Variants in VWF observed in about 807,000 individuals in gnomAD.
The protein encoded by VWF is von Willebrand factor.
Under a neutral mutation model 308.6 loss-of-function variants are expected in VWF, and 176 were observed. The ratio of observed to expected loss-of-function variants is 0.57; its 90% CI spans 0.50 to 0.65. VWF has a LOEUF of 0.65. Among genes scored for constraint, VWF ranks in the 30% least tolerant of loss-of-function variants. VWF has a pLI of 0.00. For missense variants in VWF, 3,146 were observed against 3,648.2 expected (o/e 0.86, Z 3.55); for synonymous variants, 1,385 against 1,443.4 (o/e 0.96, Z 0.92).
chr12:6,018,530 C>T lies in VWF; in HGVS notation c.4888G>A (p.Val1630Met). 6.2e-7 allele frequency: 1 copy of T among 1,613,946 alleles called. No homozygotes were observed. The change falls in exon 28 of 52, where the codon GTG (valine) becomes ATG (methionine). Residue 1630 changes from valine to methionine, a missense_variant. Transcript: ENST00000261405. ...TCCTGCACGTTGGCATTAGGGCCCA[C>T]TCCAATGGGCACCACCTGGATGTCT... ...PGDIQVVPIG[V>M]GPNANVQELE... is the part of the protein sequence containing the mutation.
intron 47 of VWF, 171 bp from the exon 48 acceptor site, chr12:5,953,765 T>C: frequency 3.1e-6 from 2 of 655,226 alleles, no homozygotes; most frequent in East Asian, 2.8e-5. Context: ...GTCCCCTAGG[T>C]AGCATTCCTT....
chr12:6,102,699 C>T (rs934281718), intron 5 of VWF, among the ~76,000 whole-genome samples: 4 of 151,258 alleles, frequency 2.6e-5, no homozygotes, highest in Non-Finnish European at 2.9e-5. Context: ...TGTGCCACTG[C>T]ACCCAGCCTG....
chr12:6,105,593 C>G (rs1357875160), intron 5 of VWF, among the ~76,000 whole-genome samples: 2 of 152,014 alleles, frequency 1.3e-5, no homozygotes, highest in Non-Finnish European at 2.9e-5. Flanking sequence ...AATTGCATAT[C>G]AAATTTTTCT....
At chr12:6,047,243 G>C (rs1944455685) in intron 16 of VWF, among the ~76,000 whole-genome samples, 1 of 152,072 alleles carries the variant, frequency 6.6e-6, no homozygotes, top group Admixed American at 6.6e-5. Flanking sequence ...TCCAATCACA[G>C]ACATGACTCA....
At chr12:5,983,479 A>G (rs952617827) in intron 40 of VWF, among the ~76,000 whole-genome samples, 13 of 149,296 alleles carry the variant, frequency 8.7e-5, no homozygotes, top group Admixed American at 2.0e-4. Context: ...ATAGATAGAT[A>G]CATACATACA....
chr12:5,953,125 G>A (rs1321091618), intron 48 of VWF, among the ~76,000 whole-genome samples: 1 of 152,122 alleles, frequency 6.6e-6, no homozygotes, highest in East Asian at 1.9e-4. Flanking sequence ...TACTCGGGAG[G>A]CTGAGACAGG....
At chr12:6,005,589 T>C (rs1232582735) in intron 34 of VWF, among the ~76,000 whole-genome samples, 9 of 152,104 alleles carry the variant, frequency 5.9e-5, no homozygotes, top group African/African-American at 2.2e-4. Context: ...TTGTCAAAAG[T>C]CAAAGACAAA....
intron 6 of VWF, among the ~76,000 whole-genome samples, chr12:6,089,574 A>G (rs1304303176): frequency 6.6e-6 from 1 of 152,142 alleles, no homozygotes; most frequent in Non-Finnish European, 1.5e-5. Context: ...TCCAGGAGAC[A>G]AACCTCCCAG....
rs369305347 is a variant in VWF, at chr12:6,110,579, G to A, written c.327C>T (p.Val109=). ...GCCCTTTGGAGGCATAGGGCATGGAGACTCTGGAGGGCAAAGGCTAAGTTC... is the reference window on the plus strand; with the variant it reads ...GCCCTTTGGAGGCATAGGGCATGGAAACTCTGGAGGGCAAAGGCTAAGTTC... The part of the protein sequence containing the change: ...NGTVTQGDQR[V]SMPYASKGLY... Residue 109 remains valine, a synonymous_variant, in exon 5 of 52, where the codon GTC becomes GTT. Transcript: ENST00000261405. 15 of 1,614,152 alleles carry A rather than the reference G, an allele frequency of 9.3e-6. No individual in the cohort carries two copies. The highest frequency in any genetic ancestry group is 1.0e-5 in the Non-Finnish European group (12 of 1,180,022).
chr12:6,033,013 C>T (rs978690913), intron 20 of VWF, among the ~76,000 whole-genome samples: 21 of 134,110 alleles, frequency 1.6e-4, no homozygotes, highest in African/African-American at 6.7e-4. Flanking sequence ...CACGCACATG[C>T]ATACACCCAC....
In VWF at chr12:6,060,088, C is replaced by T. The variant is rs1404446297; in HGVS notation, c.1534-2044G>A. Among the ~76,000 whole-genome samples, 2 of 151,978 alleles carry T rather than the reference C, an allele frequency of 1.3e-5. No individual in the cohort carries two copies. Among genetic ancestry groups the T allele is most frequent in the African/African-American group, 2.4e-5 (1 of 41,364 alleles). ...CCTTGGCTTGTCTCGGAGGTCAGCT[C>T]GGCCAGGGTTAGGAGAGTGGGGGCG... On this transcript the variant is annotated intron_variant, in intron 13 of 51. Coordinates refer to ENST00000261405, the MANE Select transcript of VWF (RefSeq NM_000552.5). This position sits in a 1 kb window ranked among gnomAD's most constrained non-coding sequence, Gnocchi z 5.1.
Position 5,971,656 on chromosome 12 carries a change from A to T in VWF, c.7491T>A (p.Ser2497=). The T allele has an allele frequency of 1.2e-6, 2 of 1,614,230 alleles. No homozygotes were observed. The highest frequency in any genetic ancestry group is 1.1e-5 in the South Asian group (1 of 91,092). ...EGECCGRCLP[S]ACEVVTGSPR... is the part of the protein sequence containing the mutation. ...GTGAGCCAGTCACCACCTCACAGGC[A>T]GATGGCAGGCACCTTCCACAGCACT... Residue 2497 remains serine (S), a synonymous_variant, in exon 44 of 52, where the codon TCT becomes TCA. Coordinates refer to ENST00000261405, the MANE Select transcript of VWF (RefSeq NM_000552.5).
chr12:5,990,498 G>C (rs191734840), intron 38 of VWF, among the ~76,000 whole-genome samples: 45 of 152,252 alleles, frequency 3.0e-4, no homozygotes, highest in Admixed American at 2.9e-3. Flanking sequence ...TTTACCATGA[G>C]TTCTCCTATT....
chr12:6,030,811 T>C (rs1487567938), intron 21 of VWF, among the ~76,000 whole-genome samples: 1 of 152,178 alleles, frequency 6.6e-6, no homozygotes, highest in Non-Finnish European at 1.5e-5. Context: ...GTAGATCACC[T>C]GGGGTCTGGA....
At chr12:5,971,496 T>C in intron 44 of VWF, 103 bp downstream of exon 44, 1 of 946,194 alleles carries the variant, frequency 1.1e-6, no homozygotes, top group South Asian at 1.3e-5. Flanking sequence ...AAATGCCCAG[T>C]GGGGAAAGCA....
chr12:6,011,537 C>T, intron 34 of VWF, 80 bp downstream of exon 34: 1 of 1,302,408 alleles, frequency 7.7e-7, no homozygotes, highest in Non-Finnish European at 1.1e-6. Context: ...CTGGTGGGTG[C>T]CTGCTCTACT....
chr12:6,116,026 A>G (rs1330702190), intron 3 of VWF, among the ~76,000 whole-genome samples: 1 of 152,184 alleles, frequency 6.6e-6, no homozygotes, highest in Non-Finnish European at 1.5e-5. Context: ...AGAACTCCAG[A>G]CCAGCCTTGC....
intron 42 of VWF, among the ~76,000 whole-genome samples, chr12:5,980,351 T>C (rs1016553932): frequency 2.6e-5 from 4 of 152,074 alleles, no homozygotes; most frequent in African/African-American, 9.7e-5. Context: ...CCCTACTGCA[T>C]TGACCTTGAA....
chr12:6,050,663 C>A (rs7955037), intron 16 of VWF, among the ~76,000 whole-genome samples: 40 of 152,184 alleles, frequency 2.6e-4, no homozygotes, highest in African/African-American at 9.2e-4. Context: ...TGCTCCACCT[C>A]AAAACAATCC....
Sources: allele counts gnomAD v4.1 joint callset (sites outside exome capture counted in the v4.1 genomes callset), GRCh38; gene constraint gnomAD v4.1.1; non-coding constraint Gnocchi (gnomAD v3.1); transcripts MANE v1.5; gene names NCBI Gene and HGNC (gene_info 2026-07-23, HGNC 2026-07-21).